The following ARB2A variants were observed in gnomAD, a reference collection of about 807,000 sequenced individuals.
The protein encoded by ARB2A is ARB2 cotranscriptional regulator A, also known as cotranscriptional regulator ARB2A.
At chr5:93,630,848 G>A in the ARB2A span, among the ~76,000 whole-genome samples, 4 of 152,116 alleles carry the variant, frequency 2.6e-5, no homozygotes, top group African/African-American at 9.7e-5. Context: ...TGAGGTGAGA[G>A]AATCGTTTGA....
chr5:93,800,861 TTTTCTC>T, the ARB2A span, among the ~76,000 whole-genome samples: 1 of 152,080 alleles, frequency 6.6e-6, no homozygotes, highest in Non-Finnish European at 1.5e-5. Context: ...GCACATCAAT[TTTTCTC>T]TTTCATTTTT....
At chr5:93,686,791 T>C in the ARB2A span, among the ~76,000 whole-genome samples, 1 of 152,110 alleles carries the variant, frequency 6.6e-6, no homozygotes, top group African/African-American at 2.4e-5. Flanking sequence ...GCCCTCAACA[T>C]TGTTCAGCCA....
chr5:93,852,258 A>T, the ARB2A span, among the ~76,000 whole-genome samples: 2 of 152,050 alleles, frequency 1.3e-5, no homozygotes, highest in Non-Finnish European at 2.9e-5. Flanking sequence ...TCTTCTTTTG[A>T]GAAGTGTCTG....
the ARB2A span, chr5:93,683,162 G>A: frequency 1.5e-5 from 21 of 1,383,274 alleles, no homozygotes; most frequent in Non-Finnish European, 2.1e-5. Context: ...TTTTTCTTCA[G>A]CTTCCTCATC....
the ARB2A span, among the ~76,000 whole-genome samples, chr5:93,682,592 G>A: frequency 2.7e-5 from 4 of 149,648 alleles, no homozygotes; most frequent in African/African-American, 4.9e-5. Context: ...TCTGACCACC[G>A]CTAGTACTAT....
At chr5:93,866,470 G>A in the ARB2A span, among the ~76,000 whole-genome samples, 3 of 151,816 alleles carry the variant, frequency 2.0e-5, no homozygotes, top group African/African-American at 4.8e-5. Flanking sequence ...CCACATACAC[G>A]CAGCTGCTGA....
At chr5:94,107,672 A>G in the ARB2A span, among the ~76,000 whole-genome samples, 12 of 152,334 alleles carry the variant, frequency 7.9e-5, no homozygotes, top group Middle Eastern at 3.4e-3. Context: ...TATACACTCA[A>G]ATTACTCAGT....
chr5:93,966,163 T>C, the ARB2A span, among the ~76,000 whole-genome samples: 1 of 152,050 alleles, frequency 6.6e-6, no homozygotes, highest in Admixed American at 6.6e-5. Flanking sequence ...TTAAGAGAAA[T>C]AGATTAAATA....
chr5:94,071,050 G>C, the ARB2A span, among the ~76,000 whole-genome samples: 1 of 151,816 alleles, frequency 6.6e-6, no homozygotes, highest in African/African-American at 2.4e-5. Flanking sequence ...TATCAACTCA[G>C]GACAAATGAA....
chr5:93,765,123 C>G, the ARB2A span, among the ~76,000 whole-genome samples: 176 of 152,232 alleles, frequency 1.2e-3, 1 homozygote, highest in African/African-American at 3.9e-3. Context: ...CATTCCCTTG[C>G]AAAACTGGCG....
the ARB2A span, among the ~76,000 whole-genome samples, chr5:94,041,532 AAG>A: frequency 1.3e-5 from 2 of 152,114 alleles, no homozygotes; most frequent in Admixed American, 6.6e-5. Flanking sequence ...TAATAATAAT[AAG>A]AGCTTAAATT....
the ARB2A span, among the ~76,000 whole-genome samples, chr5:94,013,047 A>C: frequency 6.6e-6 from 1 of 152,140 alleles, no homozygotes; most frequent in Non-Finnish European, 1.5e-5. Context: ...AGTATGAAAC[A>C]CGTGATGAAA....
the ARB2A span, chr5:93,804,769 A>C: frequency 2.2e-6 from 1 of 456,100 alleles, no homozygotes; most frequent in Non-Finnish European, 2.9e-6. Context: ...TTTATTCCTC[A>C]GAAAAGAAAT....
At chr5:93,843,793 G>T in the ARB2A span, among the ~76,000 whole-genome samples, 12 of 152,028 alleles carry the variant, frequency 7.9e-5, no homozygotes, top group Non-Finnish European at 1.5e-5. Flanking sequence ...TGAAAAATAG[G>T]AGAGAAAAGT....
chr5:93,862,259 G>A, the ARB2A span: 1 of 152,144 alleles, frequency 6.6e-6, no homozygotes, highest in African/African-American at 2.4e-5. Context: ...TGTTACTGAA[G>A]TAGTAACAGC....
At chr5:93,662,931 TG>T in the ARB2A span, among the ~76,000 whole-genome samples, 5 of 152,240 alleles carry the variant, frequency 3.3e-5, no homozygotes, top group Non-Finnish European at 7.3e-5. Context: ...TTTGGTTGTC[TG>T]ACGAGGGCTG....
chr5:93,818,136 G>A, the ARB2A span, among the ~76,000 whole-genome samples: 1 of 151,186 alleles, frequency 6.6e-6, no homozygotes, highest in Non-Finnish European at 1.5e-5. Flanking sequence ...AAAAACTACA[G>A]TGAGATGCCA....
At chr5:93,758,504 C>T in the ARB2A span, among the ~76,000 whole-genome samples, 1 of 152,078 alleles carries the variant, frequency 6.6e-6, no homozygotes, top group African/African-American at 2.4e-5. Flanking sequence ...GGCCATAAAA[C>T]GAGCCTCAAT....
chr5:93,640,645 T>C, the ARB2A span, among the ~76,000 whole-genome samples: 11 of 150,944 alleles, frequency 7.3e-5, no homozygotes, highest in Non-Finnish European at 1.5e-4. Context: ...TATATATATA[T>C]ACATATACAT....
Sources: gnomAD v4.1 joint callset for allele counts (sites outside exome capture counted in the v4.1 genomes callset) on GRCh38, gnomAD v4.1.1 for gene constraint, MANE v1.5 for transcripts, NCBI Gene and HGNC (gene_info 2026-07-23, HGNC 2026-07-21) for gene names.